The following CDYL2 variants were observed in gnomAD, a reference collection of about 807,000 sequenced individuals.
CDYL2 encodes the protein chromodomain Y like 2.
A neutral mutation model predicts 49.4 loss-of-function variants in CDYL2; 23 were observed. The ratio of observed to expected loss-of-function variants is 0.47; its 90% CI spans 0.34 to 0.66. The LOEUF (loss-of-function observed/expected upper bound fraction) is 0.66, where lower values mean the gene tolerates loss of function less well. Among genes scored for constraint, CDYL2 ranks in the 30% least tolerant of loss-of-function variants. CDYL2 has a pLI of 0.01. For synonymous variants in CDYL2, 360 were observed against 268.8 expected, an observed-to-expected ratio of 1.34 and a Z score of -3.32; for missense variants, 678 against 656.4, an observed-to-expected ratio of 1.03 and a Z score of -0.36.
chr16:80,629,351 G>A (rs979141040), intron 3 of CDYL2, among the ~76,000 whole-genome samples: 4 of 152,218 alleles, frequency 2.6e-5, no homozygotes, highest in Non-Finnish European at 4.4e-5. Flanking sequence ...GGTGGAAATA[G>A]AAGTAAACAT....
At chr16:80,659,896 A>G (rs1024338239) in intron 2 of CDYL2, among the ~76,000 whole-genome samples, 14 of 152,234 alleles carry the variant, frequency 9.2e-5, no homozygotes, top group African/African-American at 3.4e-4. Flanking sequence ...AGCAGGACAC[A>G]CAGACAAATA....
chr16:80,727,576 C>T (rs1905205112), intron 1 of CDYL2, among the ~76,000 whole-genome samples: 2 of 152,208 alleles, frequency 1.3e-5, no homozygotes, highest in Admixed American at 1.3e-4. Flanking sequence ...CCAGGAAGCT[C>T]GAACTGGGTG....
chr16:80,711,989 A>ATGTGTATATATGTGTGTATATATGTG (rs1567580864), intron 1 of CDYL2, among the ~76,000 whole-genome samples: 16 of 149,644 alleles, frequency 1.1e-4, no homozygotes, highest in African/African-American at 4.0e-4. Flanking sequence ...ATATATATGT[A>ATGTGTATATATGTGTGTATATATGTG]TGTATATATA....
intron 2 of CDYL2, among the ~76,000 whole-genome samples, chr16:80,654,866 G>C (rs548929753): frequency 1.3e-5 from 2 of 152,226 alleles, no homozygotes; most frequent in Non-Finnish European, 2.9e-5. Flanking sequence ...AGTGAACTTC[G>C]GAGAGTAAAC....
chr16:80,685,895 G>A (rs1175099939), intron 1 of CDYL2, among the ~76,000 whole-genome samples: 1 of 152,120 alleles, frequency 6.6e-6, no homozygotes, highest in Non-Finnish European at 1.5e-5. Context: ...TGACCAAAAA[G>A]GACTTGAACT....
intron 1 of CDYL2, among the ~76,000 whole-genome samples, chr16:80,721,118 CA>C (rs1227793458): frequency 2.0e-5 from 3 of 152,124 alleles, no homozygotes; most frequent in African/African-American, 7.2e-5. Flanking sequence ...ACTTCTTGAC[CA>C]AAACAAGAAG....
intron 1 of CDYL2, among the ~76,000 whole-genome samples, chr16:80,703,452 C>G (rs1904315560): frequency 6.6e-6 from 1 of 152,170 alleles, no homozygotes; most frequent in Non-Finnish European, 1.5e-5. Context: ...CAGGATTGGA[C>G]TAGAGCTACC....
At chr16:80,672,318 TACACACACACACAC>T (rs68135845) in intron 2 of CDYL2, among the ~76,000 whole-genome samples, 5 of 126,864 alleles carry the variant, frequency 3.9e-5, no homozygotes, top group East Asian at 2.2e-4. Context: ...TACAAAATGT[TACACACACACACAC>T]ACACACACAC....
At chr16:80,611,656 C>G (rs550460054) in intron 5 of CDYL2, among the ~76,000 whole-genome samples, 1 of 152,254 alleles carries the variant, frequency 6.6e-6, no homozygotes, top group East Asian at 1.9e-4. Flanking sequence ...AATCCCACAA[C>G]TGGCACTACC....
intron 1 of CDYL2, among the ~76,000 whole-genome samples, chr16:80,759,110 A>ATATATGGTT (rs1555535865): frequency 4.6e-5 from 5 of 109,518 alleles, no homozygotes; most frequent in Non-Finnish European, 6.8e-5. Flanking sequence ...TACTATATAT[A>ATATATGGTT]TATATATATA....
intron 4 of CDYL2, among the ~76,000 whole-genome samples, chr16:80,618,650 G>T (rs1906940054): frequency 1.3e-5 from 2 of 152,266 alleles, no homozygotes; most frequent in South Asian, 2.1e-4. Context: ...CTGCATGCAA[G>T]AAGGATCCCC....
chr16:80,632,304 G>C (rs950877260), intron 3 of CDYL2, among the ~76,000 whole-genome samples: 8 of 152,160 alleles, frequency 5.3e-5, no homozygotes, highest in Non-Finnish European at 1.0e-4. Context: ...AGTGAAAAAA[G>C]CCAGACACAA....
intron 1 of CDYL2, among the ~76,000 whole-genome samples, chr16:80,704,398 G>A (rs1488316462): frequency 6.6e-6 from 1 of 152,240 alleles, no homozygotes; most frequent in African/African-American, 2.4e-5. Flanking sequence ...TCACATGCCA[G>A]GCACTGCAGG....
chr16:80,698,791 G>C (rs1904287109), intron 1 of CDYL2, among the ~76,000 whole-genome samples: 1 of 152,036 alleles, frequency 6.6e-6, no homozygotes, highest in Non-Finnish European at 1.5e-5. Context: ...CCAAGCAGAA[G>C]CCACTTTGCT....
At chr16:80,609,447 A>C (rs761047056) in intron 5 of CDYL2, among the ~76,000 whole-genome samples, 1 of 152,220 alleles carries the variant, frequency 6.6e-6, no homozygotes, top group African/African-American at 2.4e-5. Flanking sequence ...GATGACCCAG[A>C]GGACAATCTT....
chr16:80,701,522 G>C (rs1457847310), intron 1 of CDYL2, among the ~76,000 whole-genome samples: 7 of 151,780 alleles, frequency 4.6e-5, no homozygotes, highest in African/African-American at 1.2e-4. Context: ...ACATATCATG[G>C]GGAAAAATGA....
chr16:80,605,682 A>C (rs1388199176), intron 6 of CDYL2, among the ~76,000 whole-genome samples: 1 of 151,904 alleles, frequency 6.6e-6, no homozygotes, highest in African/African-American at 2.4e-5. Context: ...CATAGTAGTG[A>C]GTAAAAATTC....
At position 80,685,003 on chromosome 16, in the gene CDYL2, A is replaced by T; in HGVS notation, c.151T>A (p.Phe51Ile). ...PEHHLLHCEE[F>I]IDEFNGLHMS... The stretch of plus-strand genomic sequence containing the variant: ...TGCAACCCATTGAATTCATCAATAA[A>T]CTCCTCACAGTGCAAGAGGTGGTGC... The change falls in exon 2 of 7, where the codon TTT becomes ATT. Residue 51 changes from phenylalanine to isoleucine, a missense_variant. Phe to Ile is a conservative substitution (Grantham distance 21, BLOSUM62 0). Coordinates refer to ENST00000570137, the MANE Select transcript of CDYL2 (RefSeq NM_152342.4). 1 of 1,613,448 alleles carries T rather than the reference A, an allele frequency of 6.2e-7. No individual in the cohort carries two copies. Among genetic ancestry groups the T allele is most frequent in the South Asian group, 1.1e-5 (1 of 91,002 alleles).
intron 1 of CDYL2, among the ~76,000 whole-genome samples, chr16:80,701,778 C>G (rs78067274): frequency 0.016 from 2,398 of 152,148 alleles, 70 homozygotes; most frequent in African/African-American, 0.054. Context: ...AGTTCATTTT[C>G]AGAACTTTAC....
Sources: allele counts gnomAD v4.1 joint callset (sites outside exome capture counted in the v4.1 genomes callset), GRCh38; gene constraint gnomAD v4.1.1; transcripts MANE v1.5; gene names NCBI Gene and HGNC (gene_info 2026-07-23, HGNC 2026-07-21).